IL18RAP: variants seen among roughly 807,000 people sequenced by gnomAD.
IL18RAP encodes the protein interleukin-18 receptor accessory protein.
A neutral mutation model predicts 58.1 loss-of-function variants in IL18RAP; 37 were observed. The observed-to-expected ratio is 0.64, with a 90% confidence interval of 0.49 to 0.84. IL18RAP has a LOEUF of 0.84. Ranked by LOEUF, IL18RAP falls within the 40% of genes least tolerant of loss-of-function variation. IL18RAP has a pLI of 0.00. For synonymous variants in IL18RAP, 268 were observed against 257.5 expected (o/e 1.04, Z -0.39); for missense variants, 667 against 704.8 (o/e 0.95, Z 0.61).
chr2:102,434,193 A>T (rs973551319), intron 3 of IL18RAP: 1 of 152,208 alleles, frequency 6.6e-6, no homozygotes. Flanking sequence ...ACTGAAACAG[A>T]GGAAGAATTT....
chr2:102,437,357 C>T lies in IL18RAP; in HGVS notation c.725C>T (p.Thr242Ile). Residue 242 changes from threonine to isoleucine, a missense_variant, in exon 4 of 10, where the codon ACC (threonine) becomes ATC (isoleucine). By Grantham distance (89) the Thr-to-Ile change is moderately conservative. Coordinates refer to ENST00000687160, the MANE Select transcript of IL18RAP (RefSeq NM_001393487.1). ...GTCAGAGCTGTTGTTCAAGTGAGAA[C>T]CATTGGTAAGTGAGATTTTTATCTC... is the stretch of plus-strand genomic sequence containing the variant. ...WTVRAVVQVR[T>I]IVGDTKLKPD... 2 of 1,607,444 alleles carry T rather than the reference C, an allele frequency of 1.2e-6. No homozygotes were observed. The highest frequency in any genetic ancestry group is 1.7e-6 in the Non-Finnish European group (2 of 1,177,960).
rs951032370 is a variant in IL18RAP, at chr2:102,423,322, G to T, written c.45G>T (p.Glu15Asp). 1.9e-6 allele frequency: 3 copies of T among 1,614,070 alleles called. No individual in the cohort carries two copies. The Middle Eastern group carries it at 4.9e-4, about 266-fold the overall frequency. Reference sequence around the variant, plus strand: ...TATTTCTTTGGCTTGTTGCAGGAGAGCGAATTAAAGGATTTAATATTTCAG... The same window carrying T: ...TATTTCTTTGGCTTGTTGCAGGAGATCGAATTAAAGGATTTAATATTTCAG... ...GWIFLWLVAG[E>D]RIKGFNISGC... Residue 15 changes from glutamate to aspartate, a missense_variant, in exon 1 of 10, where the codon GAG becomes GAT. Physicochemically the swap from Glu to Asp is conservative, Grantham distance 45. Transcript: ENST00000687160.
chr2:102,442,706 A>G (rs1489539862), intron 5 of IL18RAP, among the ~76,000 whole-genome samples: 2 of 152,148 alleles, frequency 1.3e-5, no homozygotes, highest in African/African-American at 2.4e-5. Flanking sequence ...ATGCCCATCC[A>G]TAGTGAATTG....
intron 6 of IL18RAP, among the ~76,000 whole-genome samples, chr2:102,444,887 T>C (rs1345529373): frequency 6.6e-6 from 1 of 152,204 alleles, no homozygotes; most frequent in Non-Finnish European, 1.5e-5. Flanking sequence ...TAGGAGTTGG[T>C]CATTTTAAAT....
chr2:102,446,015 G>T (rs1683391598), intron 7 of IL18RAP, among the ~76,000 whole-genome samples: 1 of 152,224 alleles, frequency 6.6e-6, no homozygotes, highest in African/African-American at 2.4e-5. Context: ...GCTCTGTGAA[G>T]GGGGTTTTCC....
intron 4 of IL18RAP, chr2:102,438,862 G>C (rs1305839519): frequency 1.3e-5 from 2 of 152,238 alleles, no homozygotes; most frequent in African/African-American, 4.8e-5. Flanking sequence ...GGTGAAGCAG[G>C]CTGTCATAAT....
chr2:102,452,195 G>C lies in IL18RAP; in HGVS notation c.*14G>C, dbSNP rs1258889212. On this transcript the variant is annotated 3_prime_UTR_variant, in exon 10 of 10. Coordinates refer to ENST00000687160, the MANE Select transcript of IL18RAP (RefSeq NM_001393487.1). ...AAGGAATGGTGAAATGAGCCCTGGA[G>C]CCCCCTCCAGTCCAGTCCCTGGGAT... 6.3e-7 allele frequency: 1 copy of C among 1,582,966 alleles called. No individual in the cohort carries two copies. Among genetic ancestry groups the C allele is most frequent in the East Asian group, 2.2e-5 (1 of 44,678 alleles).
intron 3 of IL18RAP, among the ~76,000 whole-genome samples, chr2:102,424,925 A>T (rs562218290): frequency 2.6e-5 from 4 of 152,218 alleles, no homozygotes; most frequent in Admixed American, 2.6e-4. Context: ...AAAGGAGTAC[A>T]GTGCAAATAG....
At chr2:102,441,875 A>G (rs1251642726) in intron 5 of IL18RAP, among the ~76,000 whole-genome samples, 3 of 140,336 alleles carry the variant, frequency 2.1e-5, no homozygotes, top group African/African-American at 8.3e-5. Flanking sequence ...GTGGCAGAGC[A>G]AGATTCCATC....
intron 4 of IL18RAP, among the ~76,000 whole-genome samples, chr2:102,437,901 A>T (rs915450711): frequency 1.3e-5 from 2 of 152,208 alleles, no homozygotes; most frequent in Non-Finnish European, 1.5e-5. Context: ...GTTTTGAGTT[A>T]TGAAATATGT....
At chr2:102,432,818 T>C (rs1682471562) in intron 3 of IL18RAP, among the ~76,000 whole-genome samples, 1 of 152,210 alleles carries the variant, frequency 6.6e-6, no homozygotes, top group Non-Finnish European at 1.5e-5. Flanking sequence ...ACTGAAAAAG[T>C]CAGAATTAAA....
chr2:102,425,804 G>A (rs1405495178), intron 3 of IL18RAP, among the ~76,000 whole-genome samples: 2 of 152,102 alleles, frequency 1.3e-5, no homozygotes, highest in African/African-American at 4.8e-5. Context: ...TTTCAGGTGA[G>A]CACAAGTTGC....
At chr2:102,445,957 G>C (rs1182913369) in intron 7 of IL18RAP, among the ~76,000 whole-genome samples, 1 of 152,216 alleles carries the variant, frequency 6.6e-6, no homozygotes, top group Admixed American at 6.5e-5. Flanking sequence ...AGGTTTGAAT[G>C]TTTCTGAGGC....
Position 102,440,436 on chromosome 2 carries a change from G to A in IL18RAP, c.731-876G>A, listed in dbSNP as rs78876530. ...GTTAAGCAGTTTTAGTGGACAGATG[G>A]CGGCGGAAATCAGGTTCCATAGGAG... On this transcript the variant is annotated intron_variant, in intron 4 of 9. Transcript: ENST00000687160. 6.6e-5 allele frequency: 10 copies of A among 152,382 alleles called. No individual in the cohort carries two copies. In the East Asian group the frequency reaches 1.9e-3, roughly 29 times the overall value. The allele number at this position is 152,382 out of a possible 1,614,324, so 9.4% of individuals were successfully genotyped here. A position where few individuals can be genotyped will look rare whatever the true frequency, so the allele number is the denominator to read the frequency against.
intron 8 of IL18RAP, among the ~76,000 whole-genome samples, chr2:102,448,942 CAG>C (rs1683596150): frequency 8.2e-6 from 1 of 121,536 alleles, no homozygotes; most frequent in Non-Finnish European, 1.6e-5. Flanking sequence ...GCCTGGATGG[CAG>C]AGCGATACCC....
At position 102,451,950 on chromosome 2, in the gene IL18RAP, A is replaced by G. The variant is rs1455993313; in HGVS notation, c.1569A>G (p.Leu523=). 6.2e-7 allele frequency: 1 copy of G among 1,614,042 alleles called. No homozygotes were observed. The highest frequency in any genetic ancestry group is 8.5e-7 in the Non-Finnish European group (1 of 1,180,032). The change falls in exon 10 of 10, where the codon CTA becomes CTG. Residue 523 remains leucine (L), a synonymous_variant. Transcript: ENST00000687160. The part of the protein sequence containing the change: ...KFCYFQEPES[L]PHLVKKALRV... ...GTTACTTCCAAGAGCCAGAGTCTCT[A>G]CCTCATCTCGTGAAAAAAGCTCTCA...
Position 102,424,215 on chromosome 2 carries a change from C to A in IL18RAP, c.396-16C>A. ...GACAAAATATCTATGTTCACAGGAT[C>A]TTGTTAATTTCCTAGGAGCCCCTAT... On this transcript the variant is annotated splice_polypyrimidine_tract_variant and intron_variant, in intron 2 of 9. Transcript: ENST00000687160. 1.2e-6 allele frequency: 2 copies of A among 1,612,866 alleles called. No individual in the cohort carries two copies. Among genetic ancestry groups the A allele is most frequent in the Non-Finnish European group, 1.7e-6 (2 of 1,179,310 alleles).
chr2:102,427,399 T>TA (rs1673221714), intron 3 of IL18RAP, among the ~76,000 whole-genome samples: 1 of 152,114 alleles, frequency 6.6e-6, no homozygotes, highest in African/African-American at 2.4e-5. Context: ...ATTTTTTTGA[T>TA]AAAAGCCGCT....
chr2:102,442,927 G>T (rs1305214993), intron 5 of IL18RAP, among the ~76,000 whole-genome samples: 10 of 152,088 alleles, frequency 6.6e-5, no homozygotes, highest in African/African-American at 1.9e-4. Context: ...ATCCACATAA[G>T]GACCCTTAGT....
Sources: gnomAD v4.1 joint callset for allele counts (sites outside exome capture counted in the v4.1 genomes callset) on GRCh38, gnomAD v4.1.1 for gene constraint, MANE v1.5 for transcripts, NCBI Gene and HGNC (gene_info 2026-07-23, HGNC 2026-07-21) for gene names.